The following KIF26A variants were observed in gnomAD, a reference collection of about 807,000 sequenced individuals.
The protein encoded by KIF26A is kinesin family member 26A.
A neutral mutation model predicts 126.0 loss-of-function variants in KIF26A; 74 were observed. That is an observed-to-expected ratio of 0.59 (90% confidence interval 0.49 to 0.71). KIF26A has a LOEUF of 0.71. Among genes scored for constraint, KIF26A ranks in the 30% least tolerant of loss-of-function variants. The pLI is 0.00. For synonymous variants in KIF26A, 1,445 were observed against 1,232.7 expected, an observed-to-expected ratio of 1.17 and a Z score of -3.61; for missense variants, 2,984 against 2,763.3, an observed-to-expected ratio of 1.08 and a Z score of -1.79.
chr14:104,157,782 G>A lies in KIF26A; in HGVS notation c.763G>A (p.Val255Met). ...LAEAAVAAVA[V>M]ADTVRECPPV... ...CGAGGCAGCGGTGGCGGCCGTGGCGGTGGCAGACACGGTCCGAGAATGCCC... is the reference window on the plus strand; with the variant it reads ...CGAGGCAGCGGTGGCGGCCGTGGCGATGGCAGACACGGTCCGAGAATGCCC... Residue 255 changes from valine (V) to methionine (M), a missense_variant, in exon 4 of 15, where the codon GTG becomes ATG. Val to Met is a conservative substitution (Grantham distance 21). Coordinates refer to ENST00000423312, the MANE Select transcript of KIF26A (RefSeq NM_015656.2). 2 of 1,610,696 alleles carry A rather than the reference G, an allele frequency of 1.2e-6. No homozygotes were observed. The highest frequency in any genetic ancestry group is 1.7e-6 in the Non-Finnish European group (2 of 1,179,046).
Position 104,177,678 on chromosome 14 carries a change from C to G in KIF26A, c.4890C>G (p.Gly1630=), listed in dbSNP as rs761372077. 21 of 1,529,540 alleles carry G rather than the reference C, an allele frequency of 1.4e-5. No homozygotes were observed. The highest frequency in any genetic ancestry group is 1.7e-5 in the Non-Finnish European group (19 of 1,143,038). The allele number at this position is 1,529,540 out of a possible 1,614,324, so 94.7% of individuals were successfully genotyped here. A position where few individuals can be genotyped will look rare whatever the true frequency, so the allele number is the denominator to read the frequency against. The change falls in exon 12 of 15, where the codon GGC becomes GGG. Residue 1630 remains glycine (G), a synonymous_variant. Transcript: ENST00000423312. ...CCCAGCGCTACAGCAGCGGCCATGG[C>G]AGCGACAACAGCAGCGTGCTGAGTG... ...RRPQRYSSGH[G]SDNSSVLSGE...
intron 2 of KIF26A, among the ~76,000 whole-genome samples, chr14:104,140,719 C>T (rs1429789834): frequency 6.6e-6 from 1 of 151,916 alleles, no homozygotes; most frequent in East Asian, 1.9e-4. Flanking sequence ...TCTCTTCTGG[C>T]AGACAGGTCT....
chr14:104,140,338 C>T (rs2037626224), intron 2 of KIF26A, among the ~76,000 whole-genome samples: 1 of 152,182 alleles, frequency 6.6e-6, no homozygotes, highest in African/African-American at 2.4e-5. Flanking sequence ...CCGCCCTGTC[C>T]TCTGCTCTGG....
Position 104,173,355 on chromosome 14 carries a change from C to T in KIF26A, c.1709C>T (p.Ala570Val). Residue 570 changes from alanine (A) to valine (V), a missense_variant, in exon 9 of 15, where the codon GCA becomes GTA. Physicochemically the swap from Ala to Val is moderately conservative, Grantham distance 64 (BLOSUM62 0). Coordinates refer to ENST00000423312, the MANE Select transcript of KIF26A (RefSeq NM_015656.2). ...AQLQNQSELR[A>V]PTAEKAAFYL... ...CTCCAGAACCAAAGCGAGCTGCGGGCACCCACGGCCGAGAAGGCGGCTTTC... is the reference window on the plus strand; with the variant it reads ...CTCCAGAACCAAAGCGAGCTGCGGGTACCCACGGCCGAGAAGGCGGCTTTC... The T allele has an allele frequency of 1.9e-6, 3 of 1,602,068 alleles. No individual in the cohort carries two copies. Among genetic ancestry groups the T allele is most frequent in the Non-Finnish European group, 2.6e-6 (3 of 1,175,026 alleles).
intron 11 of KIF26A, 59 bp downstream of exon 11, chr14:104,174,369 C>A: frequency 7.0e-7 from 1 of 1,438,380 alleles, no homozygotes; most frequent in Non-Finnish European, 9.2e-7. Flanking sequence ...GTGTCCACTG[C>A]AGGCCTCTGC....
In KIF26A at chr14:104,176,485, C is replaced by G; in HGVS notation, c.3697C>G (p.Pro1233Ala). 1 of 1,606,362 alleles carries G rather than the reference C, an allele frequency of 6.2e-7. No individual in the cohort carries two copies. The highest frequency in any genetic ancestry group is 8.5e-7 in the Non-Finnish European group (1 of 1,179,560). ...VGCARLGQSP[P>A]GRGGLFEDPW... ...CTGTGCTCGCCTGGGCCAGAGCCCA[C>G]CTGGCCGTGGAGGCCTGTTTGAGGA... The change falls in exon 12 of 15, where the codon CCT (proline) becomes GCT (alanine). Residue 1233 changes from proline to alanine, a missense_variant. By Grantham distance (27) the Pro-to-Ala change is conservative. Transcript: ENST00000423312.
rs1248445012 is a variant in KIF26A, at chr14:104,154,432, C to T, written c.735+1971C>T. Among the ~76,000 whole-genome samples the T allele has an allele frequency of 2.0e-5, 3 of 152,322 alleles. No homozygotes were observed. The East Asian group carries it at 5.8e-4, about 29-fold the overall frequency. ...GGGCTCCCAGGGCCTCCTGCGGCCACAGGTGGGGCCTGGAACATCCCACAT... is the reference window on the plus strand; with the variant it reads ...GGGCTCCCAGGGCCTCCTGCGGCCATAGGTGGGGCCTGGAACATCCCACAT... On this transcript the variant is annotated intron_variant, in intron 3 of 14. Transcript: ENST00000423312.
At chr14:104,161,724 A>G (rs1652797618) in intron 4 of KIF26A, among the ~76,000 whole-genome samples, 1 of 152,178 alleles carries the variant, frequency 6.6e-6, no homozygotes, top group Non-Finnish European at 1.5e-5. Flanking sequence ...CTGGTGTCTC[A>G]CGGCAGGGGG....
intron 5 of KIF26A, 110 bp from the exon 6 acceptor site, chr14:104,171,613 A>G (rs1774086675): frequency 1.0e-5 from 9 of 866,102 alleles, no homozygotes; most frequent in Non-Finnish European, 1.6e-5. Flanking sequence ...TGGGGGTGCC[A>G]GTGTGAGGCC....
At chr14:104,140,692 C>G (rs1173480093) in intron 2 of KIF26A, among the ~76,000 whole-genome samples, 3 of 152,146 alleles carry the variant, frequency 2.0e-5, no homozygotes, top group Non-Finnish European at 4.4e-5. Context: ...GGTTCCTCAT[C>G]TAGGGGGGTG....
intron 3 of KIF26A, among the ~76,000 whole-genome samples, chr14:104,154,915 G>C (rs892816527): frequency 2.0e-5 from 3 of 152,216 alleles, no homozygotes; most frequent in Non-Finnish European, 4.4e-5. Flanking sequence ...TGCCACCGCT[G>C]TGCTGGGCTG....
intron 2 of KIF26A, among the ~76,000 whole-genome samples, chr14:104,143,943 A>G (rs578019484): frequency 1.3e-5 from 2 of 152,322 alleles, no homozygotes; most frequent in South Asian, 4.1e-4. Flanking sequence ...TCTACCAGGA[A>G]GGGCTCTGCT....
chr14:104,172,890 G>A (rs1254977873), intron 7 of KIF26A, 87 bp from the exon 8 acceptor site: 9 of 1,436,682 alleles, frequency 6.3e-6, no homozygotes, highest in Non-Finnish European at 8.3e-6. Flanking sequence ...AGATCTCGGT[G>A]CCCCTGGTTG....
At chr14:104,147,307 C>A (rs2037689165) in intron 2 of KIF26A, among the ~76,000 whole-genome samples, 1 of 152,226 alleles carries the variant, frequency 6.6e-6, no homozygotes, top group Non-Finnish European at 1.5e-5. Context: ...TCTCAATGAG[C>A]TTGTCTGTGC....
At position 104,177,326 on chromosome 14, in the gene KIF26A, C is replaced by T; in HGVS notation, c.4538C>T (p.Pro1513Leu). The change falls in exon 12 of 15, where the codon CCT becomes CTT. Residue 1513 changes from proline to leucine, a missense_variant. Physicochemically the swap from Pro to Leu is moderately conservative, Grantham distance 98. Coordinates refer to ENST00000423312, the MANE Select transcript of KIF26A (RefSeq NM_015656.2). The part of the protein sequence containing the change: ...LVAGGSRALG[P>L]SVKLSTASVT... The stretch of plus-strand genomic sequence containing the variant: ...GCTGGTGGGTCGCGGGCTCTGGGGC[C>T]TTCGGTGAAGCTGTCTACGGCCTCT... 1.3e-6 allele frequency: 2 copies of T among 1,526,658 alleles called. No individual in the cohort carries two copies. Among genetic ancestry groups the T allele is most frequent in the Middle Eastern group, 1.7e-4 (1 of 5,852 alleles). 94.6% of individuals were successfully genotyped at this position (1,526,658 alleles called of 1,614,324 possible). A position where few individuals can be genotyped will look rare whatever the true frequency, so the allele number is the denominator to read the frequency against.
intron 13 of KIF26A, 127 bp from the exon 14 acceptor site, chr14:104,179,109 C>T (rs1316534819): frequency 1.7e-6 from 2 of 1,162,766 alleles, no homozygotes; most frequent in South Asian, 1.9e-5. Context: ...CCTGCCCGCC[C>T]TTGGAGCCCC....
At chr14:104,150,758 C>G (rs12588775) in intron 2 of KIF26A, among the ~76,000 whole-genome samples, 1 of 152,186 alleles carries the variant, frequency 6.6e-6, no homozygotes. Flanking sequence ...GGCCAGCCAT[C>G]GAGCCAGGGA....
At chr14:104,157,313 T>C (rs2141099844) in intron 3 of KIF26A, among the ~76,000 whole-genome samples, 1 of 152,304 alleles carries the variant, frequency 6.6e-6, no homozygotes, top group Non-Finnish European at 1.5e-5. Flanking sequence ...CAAATAGTTA[T>C]CGTGGTTTCT....
Position 104,175,754 on chromosome 14 carries a change from C to T in KIF26A, c.2966C>T (p.Ala989Val), listed in dbSNP as rs770383130. Residue 989 changes from alanine to valine, a missense_variant, in exon 12 of 15, where the codon GCT becomes GTT. Transcript: ENST00000423312. ...CCCGTGGGCATGAGTGGGCAGGTGG[C>T]TGGGTCCCCGATGCTTCCTGGGGCC... Reference protein sequence around the residue: ...TPPVGMSGQVAGSPMLPGATC... With the variant: ...TPPVGMSGQVVGSPMLPGATC... 1 of 1,542,714 alleles carries T rather than the reference C, an allele frequency of 6.5e-7. No individual in the cohort carries two copies. The highest frequency in any genetic ancestry group is 1.2e-5 in the South Asian group (1 of 83,984).
Sources: gnomAD v4.1 joint callset for allele counts (sites outside exome capture counted in the v4.1 genomes callset) on GRCh38, gnomAD v4.1.1 for gene constraint, MANE v1.5 for transcripts, NCBI Gene and HGNC (gene_info 2026-07-23, HGNC 2026-07-21) for gene names.